The following DLG2 variants were observed in gnomAD, a reference collection of about 807,000 sequenced individuals.
The protein encoded by DLG2 is disks large homolog 2.
DLG2 carries 45 observed loss-of-function variants against 132.5 expected under a neutral mutation model. The ratio of observed to expected loss-of-function variants is 0.34; its 90% CI spans 0.27 to 0.44. DLG2 has a LOEUF of 0.44. Ranked by LOEUF, DLG2 falls within the 20% of genes least tolerant of loss-of-function variation. DLG2 has a pLI of 1.00. For missense variants in DLG2, 1,045 were observed against 1,196.9 expected (o/e 0.87, Z 1.87); for synonymous variants, 424 against 419.6 (o/e 1.01, Z -0.13).
At chr11:84,198,076 T>C (rs1367359501) in intron 8 of DLG2, among the ~76,000 whole-genome samples, 1 of 152,208 alleles carries the variant, frequency 6.6e-6, no homozygotes, top group African/African-American at 2.4e-5. Flanking sequence ...GTGTACCTTC[T>C]TGGACAACTT....
At chr11:84,744,379 G>C (rs1469020645) in intron 6 of DLG2, among the ~76,000 whole-genome samples, 1 of 152,108 alleles carries the variant, frequency 6.6e-6, no homozygotes, top group Non-Finnish European at 1.5e-5. Context: ...ACATCATCTT[G>C]AATGTTTTTT....
chr11:85,479,762 GGTAT>G, intron 3 of DLG2, among the ~76,000 whole-genome samples: 1 of 152,266 alleles, frequency 6.6e-6, no homozygotes, highest in East Asian at 1.9e-4. Context: ...CTGAGATCAA[GGTAT>G]CAGTAGTGTT....
chr11:83,818,903 CAG>C (rs1319872792), intron 17 of DLG2, among the ~76,000 whole-genome samples: 2 of 152,040 alleles, frequency 1.3e-5, no homozygotes, highest in East Asian at 3.9e-4. Flanking sequence ...ACTTTAAAAC[CAG>C]AGATACCTGA....
Position 83,921,659 on chromosome 11 carries a change from T to A in DLG2, c.1496+8669A>T, listed in dbSNP as rs571350502. Among the ~76,000 whole-genome samples, 171 of 152,248 alleles carry A rather than the reference T, an allele frequency of 1.1e-3. 2 individuals are homozygous for A. The highest frequency in any genetic ancestry group is 4.0e-3 in the African/African-American group (165 of 41,566). On this transcript the variant is annotated intron_variant, in intron 15 of 27. Transcript: ENST00000376104. ...GCCATGGTGATTTTTGCATAGAATT[T>A]TCTCATAGGTAGTTTCCTTCACAAA...
intron 7 of DLG2, 87 bp from the exon 8 acceptor site, chr11:84,251,378 C>A: frequency 9.6e-7 from 1 of 1,042,528 alleles, no homozygotes; most frequent in Non-Finnish European, 1.4e-6. Flanking sequence ...ACAAAGAGCT[C>A]AACAGGCATT....
chr11:85,521,287 G>T (rs548441069), intron 3 of DLG2, among the ~76,000 whole-genome samples: 21 of 152,268 alleles, frequency 1.4e-4, no homozygotes, highest in African/African-American at 5.1e-4. Context: ...TTTGTGAGGG[G>T]CTTTTCCCCC....
At position 85,620,164 on chromosome 11, in the gene DLG2, C is replaced by T. The variant is rs971013994; in HGVS notation, c.-93+6423G>A. Among the ~76,000 whole-genome samples, 8 of 152,258 alleles carry T rather than the reference C, an allele frequency of 5.3e-5. No individual in the cohort carries two copies. In the South Asian group the frequency reaches 1.0e-3, roughly 20 times the overall value. On this transcript the variant is annotated intron_variant, in intron 2 of 27. Transcript: ENST00000376104. ...TTTTTCATTAGTCTTTTATTTGTTA[C>T]AGTGATCTGTAATCAGTGATCTTTG...
At chr11:85,576,480 A>G (rs1007459330) in intron 3 of DLG2, among the ~76,000 whole-genome samples, 17 of 152,322 alleles carry the variant, frequency 1.1e-4, no homozygotes, top group African/African-American at 3.8e-4. Flanking sequence ...GTAAACCCAA[A>G]GATCCATTTT....
At chr11:84,303,924 T>TA (rs1460059033) in intron 7 of DLG2, among the ~76,000 whole-genome samples, 1 of 152,222 alleles carries the variant, frequency 6.6e-6, no homozygotes, top group Non-Finnish European at 1.5e-5. Flanking sequence ...GGCCCTGTAT[T>TA]AATATACATT....
At chr11:85,082,626 A>G (rs1406648736) in intron 6 of DLG2, among the ~76,000 whole-genome samples, 1 of 152,150 alleles carries the variant, frequency 6.6e-6, no homozygotes, top group Non-Finnish European at 1.5e-5. Flanking sequence ...TAACAAAGAC[A>G]GCAAAAAGGG....
In DLG2 at chr11:84,658,867, T is replaced by C. The variant is rs1276306348; in HGVS notation, c.358-124136A>G. On this transcript the variant is annotated intron_variant, in intron 6 of 27. Coordinates refer to ENST00000376104, the MANE Select transcript of DLG2 (RefSeq NM_001142699.3). ...TTATAAATTATCCAGCCTCAGATAT[T>C]CCTTTATAGCAATGCACACTGGACT... Among the ~76,000 whole-genome samples the C allele has an allele frequency of 1.3e-5, 2 of 152,126 alleles. 1 individual carries two copies. The highest frequency in any genetic ancestry group is 1.3e-4 in the Admixed American group (2 of 15,260).
At chr11:85,194,166 A>G (rs750581576) in intron 4 of DLG2, among the ~76,000 whole-genome samples, 1 of 152,184 alleles carries the variant, frequency 6.6e-6, no homozygotes, top group Non-Finnish European at 1.5e-5. Context: ...TTTCCTCCCA[A>G]CTGCATTTGG....
At chr11:84,620,023 G>T (rs1315965835) in intron 6 of DLG2, among the ~76,000 whole-genome samples, 1 of 151,376 alleles carries the variant, frequency 6.6e-6, no homozygotes, top group Admixed American at 6.6e-5. Flanking sequence ...GGAAGAATTT[G>T]ATCTAGTAGA....
At chr11:85,400,786 G>A (rs1023802721) in intron 3 of DLG2, among the ~76,000 whole-genome samples, 5 of 151,576 alleles carry the variant, frequency 3.3e-5, no homozygotes, top group African/African-American at 1.2e-4. Context: ...CTGTTGTGGG[G>A]TGGGGGGAGA....
At chr11:84,951,589 CAT>C (rs567522812) in intron 6 of DLG2, among the ~76,000 whole-genome samples, 1 of 149,920 alleles carries the variant, frequency 6.7e-6, no homozygotes, top group Non-Finnish European at 1.5e-5. Context: ...TTAATACATA[CAT>C]ATATATATAC....
intron 7 of DLG2, among the ~76,000 whole-genome samples, chr11:84,493,645 A>G (rs1412720112): frequency 6.6e-6 from 1 of 151,998 alleles, no homozygotes; most frequent in East Asian, 1.9e-4. Flanking sequence ...CAACTCCACC[A>G]CTCACATAGC....
intron 3 of DLG2, among the ~76,000 whole-genome samples, chr11:85,400,270 A>G (rs973534516): frequency 3.5e-4 from 53 of 150,312 alleles, no homozygotes; most frequent in Non-Finnish European, 6.2e-4. Flanking sequence ...ATCATTAAAA[A>G]GTCAGGAAAC....
At chr11:83,649,851 T>C (rs777424683) in intron 18 of DLG2, among the ~76,000 whole-genome samples, 4 of 152,214 alleles carry the variant, frequency 2.6e-5, no homozygotes, top group Non-Finnish European at 5.9e-5. Context: ...ATGATTTCTA[T>C]AGATATTCCT....
At chr11:83,467,771 GTATATATATATATATATATATATA>G (rs1192401405) in intron 25 of DLG2, among the ~76,000 whole-genome samples, 13 of 85,058 alleles carry the variant, frequency 1.5e-4, no homozygotes, top group Admixed American at 7.7e-4. Flanking sequence ...AAAACTATAT[GTATATATATATATATATATATATA>G]TATATATATA....
Sources: allele counts gnomAD v4.1 joint callset (sites outside exome capture counted in the v4.1 genomes callset), GRCh38; gene constraint gnomAD v4.1.1; transcripts MANE v1.5; gene names NCBI Gene and HGNC (gene_info 2026-07-23, HGNC 2026-07-21).